CTNND2: variants seen among roughly 807,000 people sequenced by gnomAD.
The protein encoded by CTNND2 is catenin delta-2.
A neutral mutation model predicts 144.4 loss-of-function variants in CTNND2; 22 were observed. The ratio of observed to expected loss-of-function variants is 0.15; its 90% CI spans 0.11 to 0.22. CTNND2 has a LOEUF of 0.22. Among genes scored for constraint, CTNND2 ranks in the 10% least tolerant of loss-of-function variants. CTNND2 has a pLI of 1.00. For missense variants in CTNND2, 1,353 were observed against 1,618.8 expected (o/e 0.84, Z 2.82); for synonymous variants, 751 against 695.6 (o/e 1.08, Z -1.25).
At chr5:11,335,477 T>C (rs1259713926) in intron 9 of CTNND2, among the ~76,000 whole-genome samples, 1 of 152,182 alleles carries the variant, frequency 6.6e-6, no homozygotes, top group Non-Finnish European at 1.5e-5. Flanking sequence ...GGTTTGCACA[T>C]GAAATAACCA....
chr5:11,543,517 T>C (rs1774944000), intron 3 of CTNND2, among the ~76,000 whole-genome samples: 1 of 152,194 alleles, frequency 6.6e-6, no homozygotes, highest in South Asian at 2.1e-4. Context: ...GATAATACAA[T>C]GAATTAGGTC....
intron 16 of CTNND2, among the ~76,000 whole-genome samples, chr5:11,061,158 T>C (rs1746926974): frequency 6.6e-6 from 1 of 152,160 alleles, no homozygotes; most frequent in Non-Finnish European, 1.5e-5. Context: ...CGGCATTTTG[T>C]ATTTCATCCA....
chr5:11,543,953 T>C (rs1486510476), intron 3 of CTNND2, among the ~76,000 whole-genome samples: 1 of 152,136 alleles, frequency 6.6e-6, no homozygotes, highest in African/African-American at 2.4e-5. Flanking sequence ...ACAAGGAACA[T>C]GAATCCACAA....
At chr5:11,653,070 CGTGTGTGTGT>C (rs58056553) in intron 2 of CTNND2, among the ~76,000 whole-genome samples, 3,367 of 143,562 alleles carry the variant, frequency 0.023, 86 homozygotes, top group Admixed American at 0.081. Flanking sequence ...GAACAAAATT[CGTGTGTGTGT>C]GTGTGTGTGT....
intron 16 of CTNND2, among the ~76,000 whole-genome samples, chr5:11,035,769 T>C (rs1468463625): frequency 6.6e-6 from 1 of 152,168 alleles, no homozygotes; most frequent in Admixed American, 6.5e-5. Flanking sequence ...TAAGACATAT[T>C]TGAGGATGTG....
intron 3 of CTNND2, among the ~76,000 whole-genome samples, chr5:11,462,444 C>T (rs1319034035): frequency 6.6e-6 from 1 of 152,088 alleles, no homozygotes; most frequent in African/African-American, 2.4e-5. Context: ...CTTCAGCCTC[C>T]CTGCCTTTGC....
At chr5:11,112,967 C>T (rs1010031728) in intron 13 of CTNND2, among the ~76,000 whole-genome samples, 11 of 152,112 alleles carry the variant, frequency 7.2e-5, no homozygotes, top group South Asian at 2.1e-4. Flanking sequence ...AAGGTGAAAC[C>T]CCGTCTCTAC....
intron 14 of CTNND2, among the ~76,000 whole-genome samples, chr5:11,104,463 A>G (rs1013364138): frequency 2.0e-5 from 3 of 152,036 alleles, no homozygotes; most frequent in Admixed American, 2.0e-4. Flanking sequence ...AAGTCCATCC[A>G]CCGTCTGCCA....
intron 3 of CTNND2, among the ~76,000 whole-genome samples, chr5:11,439,058 G>A (rs1157538371): frequency 1.3e-5 from 2 of 151,930 alleles, no homozygotes; most frequent in African/African-American, 2.4e-5. Context: ...CAGCAGACAC[G>A]CATTCTCCGA....
At chr5:11,381,578 C>T (rs73742824) in intron 7 of CTNND2, among the ~76,000 whole-genome samples, 10,742 of 152,286 alleles carry the variant, frequency 0.071, 734 homozygotes, top group African/African-American at 0.15. Context: ...CAGATAGTCA[C>T]AGGGCCAGCT....
chr5:11,307,049 G>A (rs756355791), intron 9 of CTNND2, among the ~76,000 whole-genome samples: 1 of 152,100 alleles, frequency 6.6e-6, no homozygotes, highest in Non-Finnish European at 1.5e-5. Flanking sequence ...GGCCCCCTGA[G>A]GTGGCCATGG....
At chr5:11,344,644 T>C (rs960051055) in intron 9 of CTNND2, among the ~76,000 whole-genome samples, 1 of 152,290 alleles carries the variant, frequency 6.6e-6, no homozygotes. Context: ...GCATACAAAT[T>C]TGACGCATAC....
intron 1 of CTNND2, among the ~76,000 whole-genome samples, chr5:11,822,352 G>C (rs1793360076): frequency 1.3e-5 from 2 of 152,048 alleles, no homozygotes; most frequent in Admixed American, 6.6e-5. Context: ...TTAGTGACAT[G>C]GTAAAAACAA....
intron 1 of CTNND2, among the ~76,000 whole-genome samples, chr5:11,791,472 A>C (rs1791134925): frequency 6.6e-6 from 1 of 152,220 alleles, no homozygotes; most frequent in Non-Finnish European, 1.5e-5. Flanking sequence ...GAAATGGCCG[A>C]AAGGGTCAGA....
At chr5:11,528,852 C>G in intron 3 of CTNND2, among the ~76,000 whole-genome samples, 1 of 152,232 alleles carries the variant, frequency 6.6e-6, no homozygotes, top group East Asian at 1.9e-4. Context: ...TTAGACTTCC[C>G]CTTTTCATCA....
intron 2 of CTNND2, among the ~76,000 whole-genome samples, chr5:11,661,542 C>T (rs187676714): frequency 2.0e-5 from 3 of 152,132 alleles, no homozygotes; most frequent in Admixed American, 6.6e-5. Flanking sequence ...GACGAAATGG[C>T]TTTTGTGCCT....
chr5:11,462,312 C>T (rs1477970628), intron 3 of CTNND2, among the ~76,000 whole-genome samples: 1 of 152,142 alleles, frequency 6.6e-6, no homozygotes, highest in Non-Finnish European at 1.5e-5. Context: ...GGGGGAGCTG[C>T]CCTCTCTCCT....
chr5:11,472,716 G>A (rs778040899), intron 3 of CTNND2, among the ~76,000 whole-genome samples: 27 of 152,140 alleles, frequency 1.8e-4, no homozygotes, highest in Non-Finnish European at 1.2e-4. Context: ...CCTATGCATT[G>A]TTAGAACTGA....
intron 1 of CTNND2, among the ~76,000 whole-genome samples, chr5:11,805,669 C>A (rs1389454328): frequency 6.6e-6 from 1 of 151,646 alleles, no homozygotes; most frequent in African/African-American, 2.4e-5. Flanking sequence ...AAATAAATAT[C>A]CATGTGTCTA....
Sources: allele counts gnomAD v4.1 joint callset (sites outside exome capture counted in the v4.1 genomes callset), GRCh38; gene constraint gnomAD v4.1.1; transcripts MANE v1.5; gene names NCBI Gene and HGNC (gene_info 2026-07-23, HGNC 2026-07-21).